Variants in RALGPS1 observed in about 807,000 individuals in gnomAD.
RALGPS1 encodes ras-specific guanine nucleotide-releasing factor RalGPS1.
Under a neutral mutation model 78.8 loss-of-function variants are expected in RALGPS1, and 19 were observed. The observed-to-expected ratio is 0.24, with a 90% CI of 0.17 to 0.35. The LOEUF (loss-of-function observed/expected upper bound fraction) is 0.35. Ranked by LOEUF, RALGPS1 falls within the 10% of genes least tolerant of loss-of-function variation. The probability of loss-of-function intolerance (pLI) is 1.00; values close to 1 mark genes in which losing one functional copy is unlikely to be tolerated. For synonymous variants in RALGPS1, 228 were observed against 256.3 expected (o/e 0.89, Z 1.06); for missense variants, 454 against 688.3 (o/e 0.66, Z 3.81).
At chr9:126,930,750 C>T (rs1270752650) in intron 1 of RALGPS1, among the ~76,000 whole-genome samples, 1 of 152,254 alleles carries the variant, frequency 6.6e-6, no homozygotes, top group Non-Finnish European at 1.5e-5. Flanking sequence ...TGAGCCACTG[C>T]TCCTGGTCAA....
chr9:127,217,741 G>T (rs1008668557), intron 18 of RALGPS1: 1 of 152,170 alleles, frequency 6.6e-6, no homozygotes, highest in Admixed American at 6.5e-5. Context: ...TGCAGGTCAC[G>T]TACTTGATTC....
chr9:127,113,100 G>A (rs904299016), intron 8 of RALGPS1, among the ~76,000 whole-genome samples: 1 of 152,176 alleles, frequency 6.6e-6, no homozygotes, highest in Non-Finnish European at 1.5e-5. Context: ...AACTGATTGG[G>A]TTACAGGAAG....
chr9:126,936,582 C>G (rs1394694579), intron 1 of RALGPS1, among the ~76,000 whole-genome samples: 1 of 151,914 alleles, frequency 6.6e-6, no homozygotes, highest in East Asian at 1.9e-4. Flanking sequence ...TGGGCTTCCC[C>G]TGTGCAACTC....
chr9:127,073,999 A>C (rs1036179548), intron 8 of RALGPS1, among the ~76,000 whole-genome samples: 1 of 152,018 alleles, frequency 6.6e-6, no homozygotes, highest in African/African-American at 2.4e-5. Context: ...CTCCTTCCTC[A>C]GCCTTCCGAG....
intron 4 of RALGPS1, among the ~76,000 whole-genome samples, chr9:127,023,096 A>T (rs542486526): frequency 1.3e-5 from 2 of 151,998 alleles, no homozygotes; most frequent in African/African-American, 4.8e-5. Context: ...CCCTTCTTCA[A>T]ACACCATCAT....
rs960020477 is a variant in RALGPS1, at chr9:127,183,251, G to A, written c.910+8469G>A. Among the ~76,000 whole-genome samples the A allele has an allele frequency of 1.3e-5, 2 of 152,190 alleles. No homozygotes were observed. Among genetic ancestry groups the A allele is most frequent in the Admixed American group, 1.3e-4 (2 of 15,272 alleles). ...ACCATTTCACAGGGCCTTCTAGCTG[G>A]CAGCCGATATCGCTGATGCTTCTTC... On this transcript the variant is annotated intron_variant, in intron 11 of 18. Coordinates refer to ENST00000259351, the MANE Select transcript of RALGPS1 (RefSeq NM_014636.3). The surrounding 1 kb of genome is among the most constrained non-coding windows in gnomAD (Gnocchi z 4.0).
intron 1 of RALGPS1, among the ~76,000 whole-genome samples, chr9:126,929,617 A>G (rs1379217357): frequency 6.6e-6 from 1 of 151,814 alleles, no homozygotes; most frequent in African/African-American, 2.4e-5. Context: ...ACGCCCAGCT[A>G]ATTTTGTATT....
At position 127,183,741 on chromosome 9, in the gene RALGPS1, A is replaced by T. The variant is rs2060441388; in HGVS notation, c.910+8959A>T. ...TCCATGTGCTCCTCTCTCTGGAAAC[A>T]TACTCTCTCTGCCCGTTTATATTTT... is the stretch of plus-strand genomic sequence containing the variant. On this transcript the variant is annotated intron_variant, in intron 11 of 18. Coordinates refer to ENST00000259351, the MANE Select transcript of RALGPS1 (RefSeq NM_014636.3). The surrounding 1 kb of genome is among the most constrained non-coding windows in gnomAD (Gnocchi z 4.0). The T allele has an allele frequency of 1.2e-6, 1 of 804,722 alleles. No individual in the cohort carries two copies. The highest frequency in any genetic ancestry group is 1.7e-5 in the African/African-American group (1 of 57,526). The allele number at this position is 804,722 out of a possible 1,614,324, so 49.8% of individuals were successfully genotyped here. A position where few individuals can be genotyped will look rare whatever the true frequency, so the allele number is the denominator to read the frequency against.
At chr9:127,060,936 C>T (rs1312542037) in intron 7 of RALGPS1, among the ~76,000 whole-genome samples, 1 of 152,138 alleles carries the variant, frequency 6.6e-6, no homozygotes, top group Non-Finnish European at 1.5e-5. Flanking sequence ...AATATTTTGT[C>T]AGCCAGTCTT....
intron 2 of RALGPS1, among the ~76,000 whole-genome samples, chr9:126,963,385 GTATA>G (rs1236572679): frequency 5.9e-5 from 9 of 152,108 alleles, no homozygotes; most frequent in South Asian, 4.1e-4. Context: ...ATTTGAGTGT[GTATA>G]TATATGTGTA....
In RALGPS1 at chr9:127,212,034, TG is replaced by T; in HGVS notation, c.1248-95del. On this transcript the variant is annotated intron_variant, in intron 14 of 18. Coordinates refer to ENST00000259351, the MANE Select transcript of RALGPS1 (RefSeq NM_014636.3). The surrounding 1 kb of genome is among the most constrained non-coding windows in gnomAD (Gnocchi z 6.0). ...TTAAGTCTGGACTGCTGGGATGTCA[TG>T]GACTTGGTAGTGGGGCACCTGTGGT... The T allele has an allele frequency of 1.1e-6, 1 of 941,092 alleles. No homozygotes were observed. Among genetic ancestry groups the T allele is most frequent in the African/African-American group, 1.7e-5 (1 of 60,464 alleles). The allele number at this position is 941,092 out of a possible 1,614,324, so 58.3% of individuals were successfully genotyped here.
At chr9:127,203,751 G>C (rs1166593530) in intron 14 of RALGPS1, among the ~76,000 whole-genome samples, 2 of 152,204 alleles carry the variant, frequency 1.3e-5, no homozygotes, top group Non-Finnish European at 2.9e-5. Flanking sequence ...CGACCTGCAT[G>C]AGGCACCAGG....
Position 126,962,257 on chromosome 9 carries a change from G to A in RALGPS1, c.-33G>A, listed in dbSNP as rs1564314712. 6.2e-7 allele frequency: 1 copy of A among 1,612,906 alleles called. No individual in the cohort carries two copies. Among genetic ancestry groups the A allele is most frequent in the Admixed American group, 1.7e-5 (1 of 60,004 alleles). ...CCAGACAGGTTATGTTACCTGCAGA[G>A]GCTGCCCTGAAGCTCCCTGTGGCCT... is the stretch of plus-strand genomic sequence containing the variant. On this transcript the variant is annotated 5_prime_UTR_variant, in exon 2 of 19. Transcript: ENST00000259351.
chr9:127,189,128 G>C (rs1387986453), intron 11 of RALGPS1, among the ~76,000 whole-genome samples: 1 of 151,064 alleles, frequency 6.6e-6, no homozygotes, highest in Admixed American at 6.6e-5. Context: ...ACCTTGCTTT[G>C]TGGCCTCACT....
At chr9:127,118,494 A>G (rs1195113433) in intron 8 of RALGPS1, among the ~76,000 whole-genome samples, 3 of 152,236 alleles carry the variant, frequency 2.0e-5, no homozygotes, top group Admixed American at 6.5e-5. Flanking sequence ...GTTGTCCAGG[A>G]TGGCAGCAGG....
chr9:126,948,785 T>A (rs1588588685), intron 1 of RALGPS1, among the ~76,000 whole-genome samples: 1 of 151,924 alleles, frequency 6.6e-6, no homozygotes, highest in Non-Finnish European at 1.5e-5. Flanking sequence ...TTCCTGGCCC[T>A]TCTTTCCGTG....
chr9:127,130,427 C>G (rs1017934647), intron 8 of RALGPS1, among the ~76,000 whole-genome samples: 1 of 152,192 alleles, frequency 6.6e-6, no homozygotes, highest in South Asian at 2.1e-4. Context: ...TTGTATCTCT[C>G]CGGACAGCTT....
rs769636638 is a variant in RALGPS1 at position 127,168,783 on chromosome 9, A to T, written c.842+11A>T. 6.3e-7 allele frequency: 1 copy of T among 1,592,652 alleles called. No homozygotes were observed. Among genetic ancestry groups the T allele is most frequent in the Admixed American group, 1.7e-5 (1 of 59,952 alleles). ...AGACGACAACTACAAGTAAGTCCCC[A>T]CGTATTCCTGTGTCAGGCCTCCCAG... On this transcript the variant is annotated intron_variant, in intron 10 of 18. Transcript: ENST00000259351.
intron 4 of RALGPS1, among the ~76,000 whole-genome samples, chr9:127,000,821 T>A (rs887068364): frequency 6.6e-6 from 1 of 151,740 alleles, no homozygotes; most frequent in Non-Finnish European, 1.5e-5. Flanking sequence ...CCCAAAGCGC[T>A]GGGATTATAG....
Sources: gnomAD v4.1 joint callset for allele counts (sites outside exome capture counted in the v4.1 genomes callset) on GRCh38, gnomAD v4.1.1 for gene constraint, Gnocchi (gnomAD v3.1) non-coding constraint, MANE v1.5 for transcripts, NCBI Gene and HGNC (gene_info 2026-07-23, HGNC 2026-07-21) for gene names.